Variants in KLHL1 observed in about 807,000 individuals in gnomAD.
KLHL1 encodes the protein kelch-like protein 1.
A neutral mutation model predicts 77.7 loss-of-function variants in KLHL1; 47 were observed. The ratio of observed to expected loss-of-function variants is 0.60; its 90% CI spans 0.48 to 0.77. The LOEUF is 0.77. KLHL1 is among the 30% of genes least tolerant of loss of function. The pLI, the probability that KLHL1 is intolerant of heterozygous loss-of-function variation, is 0.00. For synonymous variants in KLHL1, 360 were observed against 325.2 expected (o/e 1.11, Z -1.15); for missense variants, 925 against 910.8 (o/e 1.02, Z -0.20).
At chr13:69,903,119 G>A (rs981855015) in intron 4 of KLHL1, among the ~76,000 whole-genome samples, 1 of 152,112 alleles carries the variant, frequency 6.6e-6, no homozygotes, top group Non-Finnish European at 1.5e-5. Flanking sequence ...AGTTGAAGCA[G>A]AAGCAAGCAG....
chr13:69,710,862 G>T (rs1427533551), intron 9 of KLHL1, among the ~76,000 whole-genome samples: 2 of 151,746 alleles, frequency 1.3e-5, no homozygotes, highest in African/African-American at 4.8e-5. Context: ...CTGTATTTAG[G>T]CTGTCTGCCT....
intron 6 of KLHL1, among the ~76,000 whole-genome samples, chr13:69,801,557 A>T (rs1366332619): frequency 1.3e-5 from 2 of 152,120 alleles, no homozygotes; most frequent in Non-Finnish European, 2.9e-5. Context: ...ATTATTTTAT[A>T]AAAGGTATAC....
chr13:70,015,383 C>T (rs917354756), intron 1 of KLHL1, among the ~76,000 whole-genome samples: 1 of 152,076 alleles, frequency 6.6e-6, no homozygotes, highest in Non-Finnish European at 1.5e-5. Flanking sequence ...GTATTATAGT[C>T]TTATGTGACC....
intron 1 of KLHL1, among the ~76,000 whole-genome samples, chr13:69,983,256 A>G (rs1884765473): frequency 6.6e-6 from 1 of 152,178 alleles, no homozygotes; most frequent in South Asian, 2.1e-4. Context: ...TAATTTTTAA[A>G]AATGCTCATA....
At chr13:69,746,717 G>T (rs1409332018) in intron 7 of KLHL1, among the ~76,000 whole-genome samples, 7 of 151,826 alleles carry the variant, frequency 4.6e-5, no homozygotes. Context: ...GAACGCAAAT[G>T]ATTGAGTTTG....
At chr13:69,748,107 T>C (rs1453642443) in intron 7 of KLHL1, among the ~76,000 whole-genome samples, 4 of 152,076 alleles carry the variant, frequency 2.6e-5, no homozygotes, top group African/African-American at 9.6e-5. Context: ...CATATAAATA[T>C]TGAAAGATTT....
chr13:69,856,704 T>C (rs991467007), intron 5 of KLHL1, among the ~76,000 whole-genome samples: 5 of 152,112 alleles, frequency 3.3e-5, no homozygotes, highest in African/African-American at 1.2e-4. Flanking sequence ...TAGTGCATAT[T>C]TCCCTAAACT....
intron 1 of KLHL1, among the ~76,000 whole-genome samples, chr13:70,052,115 A>G (rs1027602285): frequency 6.6e-6 from 1 of 151,950 alleles, no homozygotes; most frequent in African/African-American, 2.4e-5. Context: ...TCCAGTTCCA[A>G]TCAGAATCCA....
intron 7 of KLHL1, among the ~76,000 whole-genome samples, chr13:69,793,233 A>G (rs1876947883): frequency 6.6e-6 from 1 of 152,088 alleles, no homozygotes; most frequent in South Asian, 2.1e-4. Flanking sequence ...AATATTATGA[A>G]AAAAGATAAT....
chr13:69,901,296 C>T (rs1881847970), intron 4 of KLHL1, among the ~76,000 whole-genome samples: 1 of 152,106 alleles, frequency 6.6e-6, no homozygotes, highest in South Asian at 2.1e-4. Flanking sequence ...ATAAATGTAA[C>T]TAATATTTAT....
At chr13:69,794,926 T>C (rs1877037257) in intron 7 of KLHL1, among the ~76,000 whole-genome samples, 1 of 152,160 alleles carries the variant, frequency 6.6e-6, no homozygotes, top group Non-Finnish European at 1.5e-5. Flanking sequence ...TCAACATCTA[T>C]GCAATGGAAG....
chr13:69,751,945 T>G (rs984505131), intron 7 of KLHL1, among the ~76,000 whole-genome samples: 2 of 152,010 alleles, frequency 1.3e-5, no homozygotes, highest in African/African-American at 4.8e-5. Context: ...CACTCCTCCC[T>G]CATCTATCCA....
chr13:69,954,603 T>C (rs1452112931), intron 3 of KLHL1, among the ~76,000 whole-genome samples: 2 of 151,354 alleles, frequency 1.3e-5, no homozygotes, highest in African/African-American at 4.8e-5. Flanking sequence ...TACATAACCC[T>C]TACTCCTAAA....
chr13:69,901,781 CTTTT>C (rs1881868894), intron 4 of KLHL1, among the ~76,000 whole-genome samples: 1 of 104,060 alleles, frequency 9.6e-6, no homozygotes, highest in African/African-American at 3.2e-5. Flanking sequence ...CATTTTCTTT[CTTTT>C]TCTTTTTTTC....
At chr13:69,911,208 A>C (rs1882227002) in intron 4 of KLHL1, among the ~76,000 whole-genome samples, 1 of 152,062 alleles carries the variant, frequency 6.6e-6, no homozygotes, top group Non-Finnish European at 1.5e-5. Context: ...GCTAACAATG[A>C]ATTGATTCCT....
intron 5 of KLHL1, among the ~76,000 whole-genome samples, chr13:69,853,217 G>A (rs1879763147): frequency 6.6e-6 from 1 of 151,938 alleles, no homozygotes; most frequent in African/African-American, 2.4e-5. Context: ...CACATGTCAT[G>A]GGAGGGACCC....
At chr13:70,082,637 A>G (rs1192779949) in intron 1 of KLHL1, among the ~76,000 whole-genome samples, 1 of 152,218 alleles carries the variant, frequency 6.6e-6, no homozygotes, top group African/African-American at 2.4e-5. Context: ...ATTTAAATAC[A>G]GGTACATGTG....
intron 6 of KLHL1, among the ~76,000 whole-genome samples, chr13:69,836,553 GCTAA>G (rs1323436900): frequency 6.6e-6 from 1 of 151,920 alleles, no homozygotes; most frequent in Non-Finnish European, 1.5e-5. Context: ...CCTCACAAAC[GCTAA>G]CTCTTTGTCT....
At chr13:69,932,071 T>C (rs1393891146) in intron 4 of KLHL1, among the ~76,000 whole-genome samples, 1 of 151,768 alleles carries the variant, frequency 6.6e-6, no homozygotes, top group Non-Finnish European at 1.5e-5. Flanking sequence ...TATGCGAAAG[T>C]ACTTATTCAT....
Sources: gnomAD v4.1 joint callset for allele counts (sites outside exome capture counted in the v4.1 genomes callset) on GRCh38, gnomAD v4.1.1 for gene constraint, MANE v1.5 for transcripts, NCBI Gene and HGNC (gene_info 2026-07-23, HGNC 2026-07-21) for gene names.